Variants in ATP11C observed in about 807,000 individuals in gnomAD.
The protein encoded by ATP11C is phospholipid-transporting ATPase IG.
ATP11C carries 36 observed loss-of-function variants against 97.4 expected under a neutral mutation model. The observed-to-expected ratio is 0.37, with a 90% CI of 0.28 to 0.49. The LOEUF (loss-of-function observed/expected upper bound fraction) is 0.49. Among genes scored for constraint, ATP11C ranks in the 20% least tolerant of loss-of-function variants. The probability of loss-of-function intolerance (pLI) is 0.98; values close to 1 mark genes in which losing one functional copy is unlikely to be tolerated. For missense variants in ATP11C, 730 were observed against 824.6 expected (o/e 0.89, Z 1.40); for synonymous variants, 275 against 290.9 (o/e 0.95, Z 0.56).
chrX:139,854,049 G>C (rs1270922576), intron 1 of ATP11C, among the ~76,000 whole-genome samples: 1 of 111,327 alleles, frequency 9.0e-6, no homozygotes, highest in Non-Finnish European at 1.9e-5. Context: ...GACAATAGAT[G>C]GTTCCTCCCA....
At chrX:139,848,244 T>C (rs993376439) in intron 1 of ATP11C, among the ~76,000 whole-genome samples, 17 of 111,613 alleles carry the variant, frequency 1.5e-4, no homozygotes, top group Non-Finnish European at 3.2e-4. Context: ...ACACTTGCCA[T>C]GGTACTTGAA....
chrX:139,919,444 A>AC (rs2085215355), intron 1 of ATP11C, among the ~76,000 whole-genome samples: 2 of 73,950 alleles, frequency 2.7e-5, no homozygotes, highest in Non-Finnish European at 2.6e-5. Flanking sequence ...CTCAAACTTA[A>AC]ACACACACAC....
At chrX:139,860,789 G>C (rs934414673) in intron 1 of ATP11C, among the ~76,000 whole-genome samples, 4 of 112,373 alleles carry the variant, frequency 3.6e-5, no homozygotes, top group African/African-American at 1.3e-4. Flanking sequence ...CTGCACTCCA[G>C]TCTGGGCAAC....
At chrX:139,734,772 C>T (rs1414865806) in intron 28 of ATP11C, among the ~76,000 whole-genome samples, 3 of 111,080 alleles carry the variant, frequency 2.7e-5, no homozygotes, top group Non-Finnish European at 3.8e-5. Context: ...TCCTTAATAA[C>T]GGAACTTTGG....
chrX:139,847,183 G>A (rs1034649959), intron 1 of ATP11C, among the ~76,000 whole-genome samples: 7 of 110,973 alleles, frequency 6.3e-5, no homozygotes, highest in African/African-American at 2.3e-4. Context: ...TCAGGAGTTC[G>A]AGACAAGCCT....
intron 1 of ATP11C, among the ~76,000 whole-genome samples, chrX:139,904,595 T>A (rs2084946522): frequency 9.0e-6 from 1 of 111,530 alleles, no homozygotes; most frequent in African/African-American, 3.3e-5. Flanking sequence ...TAATAACTAG[T>A]CTCGTAATTC....
chrX:139,841,694 T>G (rs935754730), intron 1 of ATP11C, among the ~76,000 whole-genome samples: 1 of 112,248 alleles, frequency 8.9e-6, no homozygotes, highest in Non-Finnish European at 1.9e-5. Context: ...AACACCTAAG[T>G]GGTATATTTC....
chrX:139,875,596 C>CA (rs1353631745), intron 1 of ATP11C, among the ~76,000 whole-genome samples: 1 of 108,784 alleles, frequency 9.2e-6, no homozygotes, highest in Non-Finnish European at 1.9e-5. Flanking sequence ...GACCCTGTCT[C>CA]AAAAAAAATA....
intron 27 of ATP11C, among the ~76,000 whole-genome samples, chrX:139,739,291 GTT>G (rs1276136008): frequency 1.0e-5 from 1 of 100,420 alleles, no homozygotes. Flanking sequence ...GTTGTTTTTT[GTT>G]TTTTTTTTTT....
At chrX:139,804,935 T>C (rs2083009206) in intron 5 of ATP11C, among the ~76,000 whole-genome samples, 1 of 111,850 alleles carries the variant, frequency 8.9e-6, no homozygotes, top group African/African-American at 3.3e-5. Context: ...CAAGAAAATC[T>C]ACAACATGTC....
At chrX:139,771,245 C>T (rs1362796350) in intron 19 of ATP11C, among the ~76,000 whole-genome samples, 1 of 111,601 alleles carries the variant, frequency 9.0e-6, no homozygotes, top group Non-Finnish European at 1.9e-5. Context: ...TTGCTTCTTC[C>T]TCATTTTTCT....
intron 23 of ATP11C, among the ~76,000 whole-genome samples, chrX:139,755,628 A>G (rs934734358): frequency 8.9e-6 from 1 of 111,808 alleles, no homozygotes; most frequent in African/African-American, 3.3e-5. Flanking sequence ...ACTGATACAA[A>G]AACAGACCAA....
At chrX:139,759,681 G>C (rs1337610198) in intron 22 of ATP11C, among the ~76,000 whole-genome samples, 1 of 111,791 alleles carries the variant, frequency 8.9e-6, no homozygotes, top group Non-Finnish European at 1.9e-5. Context: ...GCCAAATAGA[G>C]TTGAAAATTT....
intron 1 of ATP11C, among the ~76,000 whole-genome samples, chrX:139,872,384 T>G (rs982212886): frequency 9.0e-6 from 1 of 111,647 alleles, no homozygotes; most frequent in African/African-American, 3.3e-5. Context: ...TATTATACTT[T>G]AAGTTCTAGG....
chrX:139,833,420 T>C (rs2083693026), intron 1 of ATP11C, among the ~76,000 whole-genome samples: 1 of 111,793 alleles, frequency 8.9e-6, no homozygotes. Context: ...GCATTCTTCC[T>C]GGACCTGGCA....
At chrX:139,776,737 C>T (rs1737817742) in intron 18 of ATP11C, among the ~76,000 whole-genome samples, 1 of 111,732 alleles carries the variant, frequency 8.9e-6, no homozygotes, top group African/African-American at 3.3e-5. Context: ...CTGAACTGCA[C>T]CACCAAATAA....
At position 139,887,353 on chromosome X, in the gene ATP11C, G is replaced by A. The variant is rs1043821654; in HGVS notation, c.27+44663C>T. 1.1e-4 allele frequency among the ~76,000 whole-genome samples: 12 copies of A among 112,051 alleles called. No individual in the cohort carries two copies. In the South Asian group the frequency reaches 2.6e-3, roughly 24 times the overall value. On this transcript the variant is annotated intron_variant, in intron 1 of 29. Transcript: ENST00000682941. The stretch of plus-strand genomic sequence containing the variant: ...ACCATAAAAGAAAATATTGAGGCCA[G>A]GCACAGTGGCTCACGTTTGTAATCT...
At chrX:139,756,980 A>G (rs868021429) in intron 23 of ATP11C, among the ~76,000 whole-genome samples, 1 of 104,386 alleles carries the variant, frequency 9.6e-6, no homozygotes, top group Non-Finnish European at 1.9e-5. Flanking sequence ...AAAAAAAAAA[A>G]AAAAAAAAAA....
At chrX:139,764,066 C>A (rs2082089525) in intron 20 of ATP11C, among the ~76,000 whole-genome samples, 1 of 112,202 alleles carries the variant, frequency 8.9e-6, no homozygotes, top group Non-Finnish European at 1.9e-5. Flanking sequence ...GCCACCAGAA[C>A]CAAGTAGGAA....
Sources: gnomAD v4.1 joint callset for allele counts (sites outside exome capture counted in the v4.1 genomes callset) on GRCh38, gnomAD v4.1.1 for gene constraint, MANE v1.5 for transcripts, NCBI Gene and HGNC (gene_info 2026-07-23, HGNC 2026-07-21) for gene names.